SLC4A10: variants seen among roughly 807,000 people sequenced by gnomAD.
SLC4A10 encodes the protein sodium-driven chloride bicarbonate exchanger.
Under a neutral mutation model 137.7 loss-of-function variants are expected in SLC4A10, and 42 were observed. The observed-to-expected ratio is 0.30, with a 90% CI of 0.24 to 0.39. The LOEUF (loss-of-function observed/expected upper bound fraction) is 0.39, where lower values mean the gene tolerates loss of function less well. Ranked by LOEUF, SLC4A10 falls within the 10% of genes least tolerant of loss-of-function variation. The probability of loss-of-function intolerance (pLI) is 1.00; values close to 1 mark genes in which losing one functional copy is unlikely to be tolerated. For synonymous variants in SLC4A10, 474 were observed against 464.1 expected (o/e 1.02, Z -0.27); for missense variants, 925 against 1,355.0 (o/e 0.68, Z 4.98).
intron 14 of SLC4A10, among the ~76,000 whole-genome samples, chr2:161,905,155 C>T (rs770061752): frequency 5.9e-5 from 9 of 152,086 alleles, no homozygotes; most frequent in Non-Finnish European, 1.0e-4. Flanking sequence ...GATTTTGTCC[C>T]TTTAGATGTT....
intron 1 of SLC4A10, among the ~76,000 whole-genome samples, chr2:161,743,784 C>A (rs2048148573): frequency 6.6e-6 from 1 of 152,040 alleles, no homozygotes; most frequent in South Asian, 2.1e-4. Flanking sequence ...AACATCTTTC[C>A]ATTTTGTGTG....
intron 2 of SLC4A10, among the ~76,000 whole-genome samples, chr2:161,788,113 G>A (rs948954958): frequency 1.3e-5 from 2 of 151,526 alleles, no homozygotes; most frequent in East Asian, 2.0e-4. Flanking sequence ...TGACTGTGGT[G>A]TATGTTGTAT....
intron 1 of SLC4A10, among the ~76,000 whole-genome samples, chr2:161,652,230 T>C (rs1876815): frequency 0.87 from 132,637 of 152,244 alleles, 58,400 homozygotes; most frequent in East Asian, 1. Context: ...GTGAAGAAAA[T>C]TTATCCCTTA....
At chr2:161,689,151 T>G (rs923831789) in intron 1 of SLC4A10, among the ~76,000 whole-genome samples, 3 of 152,292 alleles carry the variant, frequency 2.0e-5, no homozygotes, top group Non-Finnish European at 4.4e-5. Context: ...GTTTGTAAAG[T>G]AAAATTGTAA....
chr2:161,677,610 T>G (rs1031917637), intron 1 of SLC4A10, among the ~76,000 whole-genome samples: 1 of 152,166 alleles, frequency 6.6e-6, no homozygotes, highest in Non-Finnish European at 1.5e-5. Flanking sequence ...TTCTGTAAAT[T>G]TTTGGACAAG....
At chr2:161,720,608 A>C (rs1206817952) in intron 1 of SLC4A10, among the ~76,000 whole-genome samples, 1 of 152,052 alleles carries the variant, frequency 6.6e-6, no homozygotes, top group African/African-American at 2.4e-5. Flanking sequence ...CCTCTTGTTG[A>C]ATTGAACCCT....
rs1575407798 is a variant in SLC4A10, at chr2:161,876,591, T to C, written c.949-2540T>C. Reference sequence around the variant, plus strand: ...TACTCAGAAGGCTGAAATGGAAGGATCAGGATGGCTTGAGCCAGGAAGTTC... The same window carrying C: ...TACTCAGAAGGCTGAAATGGAAGGACCAGGATGGCTTGAGCCAGGAAGTTC... On this transcript the variant is annotated intron_variant, in intron 8 of 26. Coordinates refer to ENST00000446997, the MANE Select transcript of SLC4A10 (RefSeq NM_001178015.2). Among the ~76,000 whole-genome samples, 4 of 152,132 alleles carry C rather than the reference T, an allele frequency of 2.6e-5. No homozygotes were observed. In the East Asian group the frequency reaches 7.7e-4, roughly 29 times the overall value.
At chr2:161,947,804 C>A in intron 17 of SLC4A10, 77 bp downstream of exon 17, 1 of 1,480,874 alleles carries the variant, frequency 6.8e-7, no homozygotes, top group Admixed American at 2.0e-5. Context: ...ATAAAAGGAG[C>A]CACTGAAAGG....
intron 3 of SLC4A10, among the ~76,000 whole-genome samples, chr2:161,808,693 T>A (rs2056251992): frequency 6.6e-6 from 1 of 152,164 alleles, no homozygotes. Context: ...CTGAGTTAAT[T>A]TTTTTAGGAT....
chr2:161,673,947 G>T (rs988446713), intron 1 of SLC4A10, among the ~76,000 whole-genome samples: 2 of 152,102 alleles, frequency 1.3e-5, no homozygotes, highest in Admixed American at 6.6e-5. Context: ...CTGAGATCAC[G>T]CCACTGTCCT....
At chr2:161,680,752 A>G (rs1022378211) in intron 1 of SLC4A10, among the ~76,000 whole-genome samples, 4 of 152,132 alleles carry the variant, frequency 2.6e-5, no homozygotes, top group East Asian at 1.9e-4. Flanking sequence ...TATACAATGT[A>G]TTATTTTTAT....
At chr2:161,699,765 C>T (rs902656246) in intron 1 of SLC4A10, among the ~76,000 whole-genome samples, 1 of 152,108 alleles carries the variant, frequency 6.6e-6, no homozygotes, top group Non-Finnish European at 1.5e-5. Context: ...CTTTGTTCAA[C>T]TTTGATGGAT....
intron 1 of SLC4A10, among the ~76,000 whole-genome samples, chr2:161,749,764 G>A (rs565527416): frequency 4.0e-5 from 6 of 151,762 alleles, no homozygotes; most frequent in South Asian, 4.2e-4. Flanking sequence ...TTAATATCAG[G>A]GTAGTATTGC....
At chr2:161,817,236 A>T (rs527322875) in intron 3 of SLC4A10, among the ~76,000 whole-genome samples, 1 of 152,280 alleles carries the variant, frequency 6.6e-6, no homozygotes, top group East Asian at 1.9e-4. Flanking sequence ...GCCAGTGATG[A>T]TGAGCATTTT....
chr2:161,926,384 T>TG (rs1473310997), intron 15 of SLC4A10, among the ~76,000 whole-genome samples: 1 of 71,330 alleles, frequency 1.4e-5, no homozygotes, highest in African/African-American at 4.3e-5. Context: ...TGCCTTTTTT[T>TG]GGTTTTTTTT....
chr2:161,763,149 G>C (rs527306350), intron 1 of SLC4A10, among the ~76,000 whole-genome samples: 11 of 151,992 alleles, frequency 7.2e-5, no homozygotes, highest in African/African-American at 2.7e-4. Flanking sequence ...TAATCATTCT[G>C]TTGAGCAATT....
chr2:161,725,445 A>C (rs2046112259), intron 1 of SLC4A10, among the ~76,000 whole-genome samples: 1 of 152,236 alleles, frequency 6.6e-6, no homozygotes, highest in Non-Finnish European at 1.5e-5. Context: ...TACTGTAATT[A>C]TATGCAACAC....
At chr2:161,813,517 G>A (rs1002188098) in intron 3 of SLC4A10, among the ~76,000 whole-genome samples, 2 of 152,068 alleles carry the variant, frequency 1.3e-5, no homozygotes, top group Admixed American at 6.6e-5. Flanking sequence ...TGCATTTTCA[G>A]ATGTTGTCTC....
At chr2:161,947,293 A>C (rs1693990615) in intron 16 of SLC4A10, among the ~76,000 whole-genome samples, 1 of 152,152 alleles carries the variant, frequency 6.6e-6, no homozygotes. Flanking sequence ...ATTAGATTTA[A>C]TACATACTAA....
Sources: allele counts gnomAD v4.1 joint callset (sites outside exome capture counted in the v4.1 genomes callset), GRCh38; gene constraint gnomAD v4.1.1; transcripts MANE v1.5; gene names NCBI Gene and HGNC (gene_info 2026-07-23, HGNC 2026-07-21).